The following ZNF654 variants were observed in gnomAD, a reference collection of about 807,000 sequenced individuals.
ZNF654 encodes zinc finger protein 654.
ZNF654 carries 19 observed loss-of-function variants against 95.3 expected under a neutral mutation model. The ratio of observed to expected loss-of-function variants is 0.20; its 90% confidence interval spans 0.14 to 0.29. The LOEUF is 0.29. Ranked by LOEUF, ZNF654 falls within the 10% of genes least tolerant of loss-of-function variation. ZNF654 has a pLI of 1.00. For synonymous variants in ZNF654, 413 were observed against 457.9 expected (o/e 0.90, Z 1.25); for missense variants, 1,046 against 1,341.0 (o/e 0.78, Z 3.44).
intron 2 of ZNF654, among the ~76,000 whole-genome samples, chr3:88,096,549 T>C (rs1704071434): frequency 6.6e-6 from 1 of 152,172 alleles, no homozygotes; most frequent in Admixed American, 6.5e-5. Context: ...CCACTGATTA[T>C]TGAATTTTAG....
At chr3:88,081,498 T>G (rs1170885534) in intron 1 of ZNF654, among the ~76,000 whole-genome samples, 9 of 152,218 alleles carry the variant, frequency 5.9e-5, no homozygotes, top group Non-Finnish European at 1.2e-4. Flanking sequence ...TTTGTCTTTT[T>G]CCTTCTTTCA....
chr3:88,077,331 ATTGTTTT>A (rs1191545404), intron 1 of ZNF654, among the ~76,000 whole-genome samples: 17 of 139,694 alleles, frequency 1.2e-4, no homozygotes, highest in Admixed American at 7.9e-4. Flanking sequence ...GCAGACTTAA[ATTGTTTT>A]TTTTTTTTTT....
At chr3:88,089,755 A>G (rs1436054699) in intron 2 of ZNF654, among the ~76,000 whole-genome samples, 2 of 152,098 alleles carry the variant, frequency 1.3e-5, no homozygotes, top group Non-Finnish European at 2.9e-5. Context: ...CTTGAGAAGA[A>G]CTCTGGTCAG....
At chr3:88,074,066 A>G (rs988605652) in intron 1 of ZNF654, among the ~76,000 whole-genome samples, 13 of 152,192 alleles carry the variant, frequency 8.5e-5, no homozygotes, top group Admixed American at 7.9e-4. Flanking sequence ...TCAAATGTCC[A>G]CAAAAATAAG....
chr3:88,103,492 A>G (rs541483444), intron 2 of ZNF654, among the ~76,000 whole-genome samples: 1 of 152,318 alleles, frequency 6.6e-6, no homozygotes, highest in African/African-American at 2.4e-5. Flanking sequence ...GGAAAATCTA[A>G]AACTGTATAA....
At chr3:88,075,198 C>A (rs1707732682) in intron 1 of ZNF654, among the ~76,000 whole-genome samples, 1 of 152,194 alleles carries the variant, frequency 6.6e-6, no homozygotes, top group Admixed American at 6.5e-5. Context: ...AGTGTGGAAT[C>A]TGTTGAGTGG....
At chr3:88,103,223 T>TC (rs1187906647) in intron 2 of ZNF654, among the ~76,000 whole-genome samples, 1 of 152,044 alleles carries the variant, frequency 6.6e-6, no homozygotes, top group African/African-American at 2.4e-5. Flanking sequence ...TAGAACTAGA[T>TC]CCCGATATAA....
intron 2 of ZNF654, chr3:88,095,840 A>G (rs1393480490): frequency 2.2e-6 from 1 of 459,482 alleles, no homozygotes; most frequent in East Asian, 6.2e-5. Context: ...TGTGCTCCTC[A>G]GAAAAGCCTT....
Position 88,144,134 on chromosome 3 carries a change from A to C in ZNF654, c.*2482A>C, listed in dbSNP as rs1707250217. The C allele has an allele frequency of 6.6e-6, 1 of 152,362 alleles. No homozygotes were observed. The highest frequency in any genetic ancestry group is 2.4e-5 in the African/African-American group (1 of 41,424). The allele number at this position is 152,362 out of a possible 1,614,324, so 9.4% of individuals were successfully genotyped here. ...TGTCAGTAAGGTGAAGAAAATAGCA[A>C]ATCTGAATTTTTGCTGCTCAGATAT... On this transcript the variant is annotated 3_prime_UTR_variant, in exon 9 of 9. Coordinates refer to ENST00000636215, the MANE Select transcript of ZNF654 (RefSeq NM_001350134.2).
chr3:88,113,794 A>C (rs1236622550), intron 3 of ZNF654, among the ~76,000 whole-genome samples: 1 of 133,162 alleles, frequency 7.5e-6, no homozygotes, highest in Non-Finnish European at 1.6e-5. Flanking sequence ...CTGATCACCC[A>C]TTTAGAACTG....
chr3:88,083,725 A>G (rs966022551), intron 1 of ZNF654, among the ~76,000 whole-genome samples: 5 of 152,116 alleles, frequency 3.3e-5, no homozygotes, highest in Non-Finnish European at 5.9e-5. Flanking sequence ...ATCCAGGAAA[A>G]CACTATTCTT....
intron 1 of ZNF654, among the ~76,000 whole-genome samples, chr3:88,085,661 A>T (rs1162408323): frequency 6.6e-6 from 1 of 152,210 alleles, no homozygotes; most frequent in Non-Finnish European, 1.5e-5. Flanking sequence ...TTTTATGGTA[A>T]GGAAACTAAT....
At chr3:88,093,129 A>G (rs1323284944) in intron 2 of ZNF654, among the ~76,000 whole-genome samples, 8 of 152,200 alleles carry the variant, frequency 5.3e-5, no homozygotes, top group Admixed American at 4.6e-4. Context: ...TTTGTAGATA[A>G]GAAAACTGAA....
intron 1 of ZNF654, among the ~76,000 whole-genome samples, chr3:88,075,769 G>GT (rs1707767214): frequency 6.6e-6 from 1 of 151,302 alleles, no homozygotes; most frequent in African/African-American, 2.4e-5. Context: ...TTTTCTCTTG[G>GT]TTTTTTTGTT....
intron 1 of ZNF654, among the ~76,000 whole-genome samples, chr3:88,085,825 C>CA (rs1398143561): frequency 2.0e-5 from 3 of 152,142 alleles, no homozygotes; most frequent in Admixed American, 6.5e-5. Context: ...CTTTTGTTGT[C>CA]AGAATATTCA....
intron 2 of ZNF654, among the ~76,000 whole-genome samples, chr3:88,100,382 A>C (rs1704338234): frequency 1.3e-5 from 2 of 152,192 alleles, no homozygotes; most frequent in Non-Finnish European, 2.9e-5. Context: ...GTGGGACTGT[A>C]AACTAGTTCA....
At position 88,107,417 on chromosome 3, in the gene ZNF654, T is replaced by C. The variant is rs538168721; in HGVS notation, c.333-5698T>C. Among the ~76,000 whole-genome samples the C allele has an allele frequency of 5.3e-5, 8 of 152,328 alleles. No individual in the cohort carries two copies. In the East Asian group the frequency reaches 1.5e-3, roughly 29 times the overall value. On this transcript the variant is annotated intron_variant, in intron 2 of 8. Transcript: ENST00000636215. ...TTTGTAAACAATCTATATCTTTCTC[T>C]GTTTATCCACTGCTCTTTATTGGTA...
intron 2 of ZNF654, among the ~76,000 whole-genome samples, chr3:88,112,092 T>C (rs755841310): frequency 5.3e-5 from 8 of 151,910 alleles, no homozygotes; most frequent in Non-Finnish European, 7.4e-5. Context: ...TTTACGTTTT[T>C]TGGTCTGTTG....
At chr3:88,095,719 T>C (rs1704019266) in intron 2 of ZNF654, 2 of 396,314 alleles carry the variant, frequency 5.0e-6, no homozygotes, top group African/African-American at 2.2e-5. Context: ...TTGCTACTTT[T>C]TGACTTCTCC....
Sources: gnomAD v4.1 joint callset for allele counts (sites outside exome capture counted in the v4.1 genomes callset) on GRCh38, gnomAD v4.1.1 for gene constraint, MANE v1.5 for transcripts, NCBI Gene and HGNC (gene_info 2026-07-23, HGNC 2026-07-21) for gene names.